Variants in TMEM131 observed in about 807,000 individuals in gnomAD.
TMEM131 encodes 2610524E03Rik.
Under a neutral mutation model 211.6 loss-of-function variants are expected in TMEM131, and 66 were observed. The observed-to-expected ratio is 0.31, with a 90% CI of 0.26 to 0.38. TMEM131 has a LOEUF of 0.38. TMEM131 is among the 10% of genes least tolerant of loss of function. TMEM131 has a pLI of 1.00. For missense variants in TMEM131, 2,036 were observed against 2,299.3 expected (o/e 0.89, Z 2.34); for synonymous variants, 844 against 841.3 (o/e 1.00, Z -0.06).
chr2:97,880,770 A>C (rs915096122), intron 4 of TMEM131, among the ~76,000 whole-genome samples: 1 of 152,208 alleles, frequency 6.6e-6, no homozygotes, highest in African/African-American at 2.4e-5. Flanking sequence ...CCAGTAAGAA[A>C]GCGCAGAGTT....
rs181236597 is a variant in TMEM131, at chr2:97,815,283, T to G, written c.1208A>C (p.Gln403Pro). ...TTTAACTGTTATTTTCCCAGAAAAC[T>G]GAGATGGCTTTTTTGCCTTCGATGC... ...FDASKAKKPS[Q>P]FSGKITVKAK... Residue 403 changes from glutamine (Q) to proline (P), a missense_variant, in exon 13 of 41, where the codon CAG becomes CCG. By Grantham distance (76) the Gln-to-Pro change is moderately conservative. This residue lies in a region of TMEM131 where 1,623 missense variants were observed against 1,805.9 expected (regional missense o/e 0.90). Coordinates refer to ENST00000186436, the MANE Select transcript of TMEM131 (RefSeq NM_015348.2). 6.4e-7 allele frequency: 1 copy of G among 1,573,398 alleles called. No individual in the cohort carries two copies. The highest frequency in any genetic ancestry group is 1.4e-5 in the African/African-American group (1 of 72,208).
chr2:97,857,863 A>T (rs2105170311), intron 5 of TMEM131, among the ~76,000 whole-genome samples: 1 of 152,338 alleles, frequency 6.6e-6, no homozygotes, highest in African/African-American at 2.4e-5. Flanking sequence ...GTTGGAGGCT[A>T]TTATTAATAG....
At chr2:97,772,109 C>A (rs1324076925) in intron 33 of TMEM131, among the ~76,000 whole-genome samples, 188 bp downstream of exon 33, 2 of 152,186 alleles carry the variant, frequency 1.3e-5, no homozygotes, top group Non-Finnish European at 2.9e-5. Context: ...TATGGCTATT[C>A]CGAGTCAACA....
At chr2:97,807,975 G>GGGTTGAGTA in intron 19 of TMEM131, among the ~76,000 whole-genome samples, 1 of 152,200 alleles carries the variant, frequency 6.6e-6, no homozygotes, top group South Asian at 2.1e-4. Context: ...TTTACTGTAA[G>GGGTTGAGTA]GGTTGAGTAT....
intron 1 of TMEM131, among the ~76,000 whole-genome samples, chr2:97,982,059 A>T (rs1297553979): frequency 1.3e-5 from 2 of 152,228 alleles, no homozygotes; most frequent in African/African-American, 4.8e-5. Flanking sequence ...ACTAAGGAGC[A>T]TAACTGTGGG....
At chr2:97,812,376 T>C in intron 17 of TMEM131, 45 bp downstream of exon 17, 1 of 1,567,496 alleles carries the variant, frequency 6.4e-7, no homozygotes, top group Non-Finnish European at 8.6e-7. Flanking sequence ...ACTTGCAGTT[T>C]AGACATCCAT....
intron 1 of TMEM131, among the ~76,000 whole-genome samples, chr2:97,977,197 C>T (rs1300486197): frequency 6.6e-6 from 1 of 152,188 alleles, no homozygotes; most frequent in African/African-American, 2.4e-5. Flanking sequence ...AACTTCTGCT[C>T]TTCAAAAGAC....
chr2:97,923,825 A>C (rs1435474638), intron 2 of TMEM131, among the ~76,000 whole-genome samples: 1 of 152,114 alleles, frequency 6.6e-6, no homozygotes, highest in African/African-American at 2.4e-5. Context: ...GCAGTGGCCT[A>C]ATCCCCGCAC....
At chr2:97,958,191 G>A (rs149980448) in intron 1 of TMEM131, among the ~76,000 whole-genome samples, 266 of 152,320 alleles carry the variant, frequency 1.7e-3, no homozygotes, top group Admixed American at 2.9e-3. Context: ...AGGCTGGAGA[G>A]GGGGGCAGAA....
intron 19 of TMEM131, among the ~76,000 whole-genome samples, chr2:97,807,032 C>T (rs889424527): frequency 1.3e-5 from 2 of 152,160 alleles, no homozygotes; most frequent in Non-Finnish European, 2.9e-5. Flanking sequence ...CAAAAGAGCT[C>T]ACAGATATAA....
intron 38 of TMEM131, 80 bp downstream of exon 38, chr2:97,760,513 A>G: frequency 7.9e-7 from 1 of 1,268,518 alleles, no homozygotes; most frequent in Non-Finnish European, 1.1e-6. Flanking sequence ...ATGCCCTGAA[A>G]CCCATTTATG....
At chr2:97,807,361 T>G (rs776484120) in intron 19 of TMEM131, among the ~76,000 whole-genome samples, 81 of 152,266 alleles carry the variant, frequency 5.3e-4, no homozygotes, top group Non-Finnish European at 9.3e-4. Context: ...AATGGCTTGG[T>G]GCGTTCTGAC....
chr2:97,928,140 T>C (rs527665278), intron 1 of TMEM131, among the ~76,000 whole-genome samples: 1 of 152,306 alleles, frequency 6.6e-6, no homozygotes, highest in Admixed American at 6.5e-5. Context: ...TTATTCATAA[T>C]CACCAAAATC....
intron 2 of TMEM131, chr2:97,913,144 A>T (rs1288733860): frequency 1.3e-5 from 2 of 152,174 alleles, no homozygotes; most frequent in Non-Finnish European, 2.9e-5. Flanking sequence ...GTCGCAAATC[A>T]GGGGGCCACT....
At chr2:97,981,473 C>T (rs939671942) in intron 1 of TMEM131, among the ~76,000 whole-genome samples, 5 of 152,188 alleles carry the variant, frequency 3.3e-5, no homozygotes, top group African/African-American at 4.8e-5. Flanking sequence ...ACGTGCTTTC[C>T]TGCAGTCTCA....
chr2:97,995,517 A>G lies in TMEM131; in HGVS notation c.146T>C (p.Val49Ala), dbSNP rs1345591122. The G allele has an allele frequency of 7.1e-7, 1 of 1,409,524 alleles. No homozygotes were observed. The highest frequency in any genetic ancestry group is 3.1e-5 in the East Asian group (1 of 32,088). 87.3% of individuals were successfully genotyped at this position (1,409,524 alleles called of 1,614,324 possible). A position where few individuals can be genotyped will look rare whatever the true frequency, so the allele number is the denominator to read the frequency against. The stretch of plus-strand genomic sequence containing the variant: ...CGCCGCAGCCACTACGAGGGTCATC[A>G]CCAGGTGCAGCGCGCCTAGGAGGCC... ...AAGLLGALHL[V>A]MTLVVAAARA... The change falls in exon 1 of 41, where the codon GTG (valine) becomes GCG (alanine). Residue 49 changes from valine (V) to alanine (A), a missense_variant. Physicochemically the swap from Val to Ala is moderately conservative, Grantham distance 64. Transcript: ENST00000186436.
At position 97,774,276 on chromosome 2, in the gene TMEM131, C is replaced by T. The variant is rs763805223; in HGVS notation, c.4320+1567G>A. ...GCCTTTTGTCCACTGTTGTTGCCTA[C>T]GCACCTAGCACGTGGCCTGGCACGT... On this transcript the variant is annotated intron_variant, in intron 32 of 40. Coordinates refer to ENST00000186436, the MANE Select transcript of TMEM131 (RefSeq NM_015348.2). Among the ~76,000 whole-genome samples, 10 of 152,372 alleles carry T rather than the reference C, an allele frequency of 6.6e-5. No homozygotes were observed. In the East Asian group the frequency reaches 7.7e-4, roughly 12 times the overall value.
chr2:97,832,726 A>AT, intron 11 of TMEM131, among the ~76,000 whole-genome samples: 1 of 152,340 alleles, frequency 6.6e-6, no homozygotes, highest in East Asian at 1.9e-4. Flanking sequence ...TGGGGACCTC[A>AT]TCAGGGAGAG....
intron 11 of TMEM131, among the ~76,000 whole-genome samples, chr2:97,825,029 GTCT>G (rs1682308939): frequency 2.6e-5 from 4 of 152,326 alleles, no homozygotes; most frequent in Admixed American, 2.6e-4. Context: ...CCTCAAGAAT[GTCT>G]TCTTCTGTAT....
Sources: gnomAD v4.1 joint callset for allele counts (sites outside exome capture counted in the v4.1 genomes callset) on GRCh38, gnomAD v4.1.1 for gene constraint, gnomAD v4.1.1 regional missense constraint, MANE v1.5 for transcripts, NCBI Gene and HGNC (gene_info 2026-07-23, HGNC 2026-07-21) for gene names.